Variants in TNK2 observed in about 807,000 individuals in gnomAD.
TNK2 encodes tyrosine kinase non receptor 2.
In TNK2, 83 loss-of-function variants were observed where a neutral mutation model predicts 101.8. The ratio of observed to expected loss-of-function variants is 0.82; its 90% confidence interval spans 0.68 to 0.98. TNK2 has a LOEUF of 0.98. TNK2 is among the 50% of genes least tolerant of loss of function. The pLI, the probability that TNK2 is intolerant of heterozygous loss-of-function variation, is 0.00. For missense variants in TNK2, 1,665 were observed against 1,483.2 expected (o/e 1.12, Z -2.01); for synonymous variants, 804 against 633.0 (o/e 1.27, Z -4.06).
Position 195,882,775 on chromosome 3 carries a change from G to C in TNK2, c.609+382C>G, listed in dbSNP as rs565479424. 1.3e-5 allele frequency among the ~76,000 whole-genome samples: 2 copies of C among 152,124 alleles called. No individual in the cohort carries two copies. The highest frequency in any genetic ancestry group is 4.8e-5 in the African/African-American group (2 of 41,420). ...TGGAAGCCTGAGGCAGGAATATCGC[G>C]TGAACCCAGGAGGCCGAGGTTGCAG... On this transcript the variant is annotated intron_variant, in intron 5 of 15. Transcript: ENST00000672887. This position sits in a 1 kb window ranked among gnomAD's most constrained non-coding sequence, Gnocchi z 4.2.
chr3:195,891,934 T>A (rs1392125574), intron 1 of TNK2: 4 of 988,940 alleles, frequency 4.0e-6, no homozygotes, highest in Non-Finnish European at 4.8e-6. Context: ...GTGCACTCCA[T>A]GCTCCCTGAC....
chr3:195,897,305 G>C (rs1319540568), intron 1 of TNK2, among the ~76,000 whole-genome samples: 1 of 152,210 alleles, frequency 6.6e-6, no homozygotes, highest in Non-Finnish European at 1.5e-5. Context: ...CTGGGGAGGA[G>C]GCTGGCCAGG....
Position 195,889,200 on chromosome 3 carries a change from G to C in TNK2, c.-18-594C>G, listed in dbSNP as rs116603602. Among the ~76,000 whole-genome samples the C allele has an allele frequency of 9.3e-3, 1,421 of 152,146 alleles. 24 individuals carry two copies. Among genetic ancestry groups the C allele is most frequent in the African/African-American group, 0.033 (1,364 of 41,502 alleles). ...GCCTACAGGGCCACAGCAAGCGGAA[G>C]ACAGGAGGGAGGGGTGGGGCCTGCG... is the stretch of plus-strand genomic sequence containing the variant. On this transcript the variant is annotated intron_variant, in intron 1 of 15. Transcript: ENST00000672887.
Position 195,869,983 on chromosome 3 carries a change from C to G in TNK2, c.1543+131G>C, listed in dbSNP as rs1577002916. On this transcript the variant is annotated intron_variant, in intron 11 of 15. Coordinates refer to ENST00000672887, the MANE Select transcript of TNK2 (RefSeq NM_001382273.1). ...CGCCCAGCCGGAGCCAGGGACACAG[C>G]TGTCCCGCCTGCTGCCCTGACCCCA... The G allele has an allele frequency of 8.4e-6, 6 of 711,840 alleles. No homozygotes were observed. In the East Asian group the frequency reaches 1.4e-4, roughly 17 times the overall value. The allele number at this position is 711,840 out of a possible 1,614,324, so 44.1% of individuals were successfully genotyped here. A position where few individuals can be genotyped will look rare whatever the true frequency, so the allele number is the denominator to read the frequency against.
At chr3:195,902,620 A>AC (rs1332632377) in intron 1 of TNK2, among the ~76,000 whole-genome samples, 1 of 139,702 alleles carries the variant, frequency 7.2e-6, no homozygotes, top group African/African-American at 2.9e-5. Flanking sequence ...TCCGTCTCAA[A>AC]AAAAAAAAAC....
chr3:195,874,293 T>G (rs1016129570), intron 9 of TNK2, among the ~76,000 whole-genome samples: 7 of 152,210 alleles, frequency 4.6e-5, no homozygotes, highest in Non-Finnish European at 8.8e-5. Context: ...CCGCCAACAC[T>G]GCCCAGCTCC....
intron 12 of TNK2, 143 bp from the exon 13 acceptor site, chr3:195,868,852 C>A: frequency 9.8e-7 from 1 of 1,019,118 alleles, no homozygotes; most frequent in Non-Finnish European, 1.4e-6. Flanking sequence ...GGTCAGCCAC[C>A]GGCGGCCAGG....
chr3:195,887,925 CACGTGTGT>C (rs1756728500), intron 2 of TNK2, among the ~76,000 whole-genome samples: 3 of 143,494 alleles, frequency 2.1e-5, no homozygotes, highest in Admixed American at 6.9e-5. Context: ...TGCGTGCGTG[CACGTGTGT>C]GCGCATGTGC....
intron 4 of TNK2, 89 bp downstream of exon 4, chr3:195,884,723 C>G (rs771748418): frequency 1.7e-4 from 212 of 1,251,964 alleles, no homozygotes; most frequent in Non-Finnish European, 2.0e-4. Context: ...CATCCCCAGT[C>G]CCATCCACAC....
chr3:195,904,887 G>C (rs555307616), intron 1 of TNK2, among the ~76,000 whole-genome samples: 27 of 152,252 alleles, frequency 1.8e-4, no homozygotes, highest in Admixed American at 5.2e-4. Context: ...CACTGTTCAT[G>C]GTCAGAAGGC....
intron 1 of TNK2, chr3:195,895,258 C>T: frequency 6.4e-7 from 1 of 1,553,802 alleles, no homozygotes. Context: ...GCGGTCCCTC[C>T]TCGCCCCCAG....
Position 195,868,505 on chromosome 3 carries a change from C to T in TNK2, c.1793G>A (p.Arg598Gln), listed in dbSNP as rs559335888. 5.7e-5 allele frequency: 89 copies of T among 1,553,760 alleles called. No homozygotes were observed. The highest frequency in any genetic ancestry group is 4.9e-4 in the African/African-American group (36 of 73,124). ...CTGCGCCAGGGAGGGCGCGCAGGGC[C>T]GTAGGGCCGGGACCACGGGCTCCTC... ...FGEEPVVPAL[R>Q]PCAPSLAQLA... Residue 598 changes from arginine (R) to glutamine (Q), a missense_variant, in exon 13 of 16, where the codon CGG (arginine) becomes CAG (glutamine). This residue lies in a region of TNK2 where 1,136 missense variants were observed against 894.9 expected (regional missense o/e 1.27). Coordinates refer to ENST00000672887, the MANE Select transcript of TNK2 (RefSeq NM_001382273.1).
intron 1 of TNK2, among the ~76,000 whole-genome samples, chr3:195,899,899 G>C (rs1266105325): frequency 1.3e-5 from 2 of 150,816 alleles, no homozygotes; most frequent in African/African-American, 5.0e-5. Flanking sequence ...GTGAGCTGCT[G>C]CCAGGTTGCT....
At chr3:195,898,232 G>C (rs1760848837) in intron 1 of TNK2, among the ~76,000 whole-genome samples, 1 of 152,104 alleles carries the variant, frequency 6.6e-6, no homozygotes. Context: ...CACCGGTCGG[G>C]CTGCTTCAAC....
rs752703999 is a variant in TNK2 at position 195,879,114 on chromosome 3, C to T, written c.949G>A (p.Gly317Arg). ...FSHASDTWMFGVTLWEMFTYG... is the reference protein window; with the variant it reads ...FSHASDTWMFRVTLWEMFTYG... ...GTGAACATTTCCCACAGTGTCACCCCGAACATCCAGGTGTCGCTGGCATGG... is the reference window on the plus strand; with the variant it reads ...GTGAACATTTCCCACAGTGTCACCCTGAACATCCAGGTGTCGCTGGCATGG... The change falls in exon 7 of 16, where the codon GGG becomes AGG. Residue 317 changes from glycine (G) to arginine (R), a missense_variant. Physicochemically the swap from Gly to Arg is moderately radical, Grantham distance 125. This residue lies in a region of TNK2 where 490 missense variants were observed against 522.5 expected (regional missense o/e 0.94). Coordinates refer to ENST00000672887, the MANE Select transcript of TNK2 (RefSeq NM_001382273.1). The T allele has an allele frequency of 1.5e-5, 24 of 1,613,690 alleles. No individual in the cohort carries two copies. Among genetic ancestry groups the T allele is most frequent in the Admixed American group, 6.7e-5 (4 of 59,990 alleles).
At chr3:195,887,081 G>C in intron 2 of TNK2, 34 bp from the exon 3 acceptor site, 1 of 1,561,280 alleles carries the variant, frequency 6.4e-7, no homozygotes, top group Non-Finnish European at 8.6e-7. Context: ...GTGCTGTGAA[G>C]GCCGCCGTAG....
chr3:195,866,884 C>G lies in TNK2; in HGVS notation c.3161+5G>C. The G allele has an allele frequency of 6.2e-7, 1 of 1,609,778 alleles. No individual in the cohort carries two copies. Among genetic ancestry groups the G allele is most frequent in the Non-Finnish European group, 8.5e-7 (1 of 1,178,614 alleles). On this transcript the variant is annotated splice_donor_5th_base_variant and intron_variant, in intron 15 of 15. Coordinates refer to ENST00000672887, the MANE Select transcript of TNK2 (RefSeq NM_001382273.1). ...GGAGCGGGGCAGACTGTGGGGCTCACTCACTTGTGGTGGGCAGGGCCCCAG... is the reference window on the plus strand; with the variant it reads ...GGAGCGGGGCAGACTGTGGGGCTCAGTCACTTGTGGTGGGCAGGGCCCCAG...
In TNK2 at chr3:195,863,899, C is replaced by G. The variant is rs924673103; in HGVS notation, c.*282G>C. 1 of 464,518 alleles carries G rather than the reference C, an allele frequency of 2.2e-6. No individual in the cohort carries two copies. Among genetic ancestry groups the G allele is most frequent in the Non-Finnish European group, 3.9e-6 (1 of 258,668 alleles). 28.8% of individuals were successfully genotyped at this position (464,518 alleles called of 1,614,324 possible). A position where few individuals can be genotyped will look rare whatever the true frequency, so the allele number is the denominator to read the frequency against. On this transcript the variant is annotated 3_prime_UTR_variant, in exon 16 of 16. Coordinates refer to ENST00000672887, the MANE Select transcript of TNK2 (RefSeq NM_001382273.1). ...ACCAGGGCCAGAGGCAGGTCATACC[C>G]AGAGCCTGCTGGGGCAGCCCTCAAG...
At chr3:195,884,441 G>C (rs993869833) in intron 4 of TNK2, 52 of 177,274 alleles carry the variant, frequency 2.9e-4, no homozygotes, top group African/African-American at 1.2e-3. Flanking sequence ...TCAGGAGTTC[G>C]AGACCAGCCT....
Sources: gnomAD v4.1 joint callset for allele counts (sites outside exome capture counted in the v4.1 genomes callset) on GRCh38, gnomAD v4.1.1 for gene constraint, gnomAD v4.1.1 regional missense constraint, Gnocchi (gnomAD v3.1) non-coding constraint, MANE v1.5 for transcripts, NCBI Gene and HGNC (gene_info 2026-07-23, HGNC 2026-07-21) for gene names.